Variants in NIBAN2 observed in about 807,000 individuals in gnomAD.
The protein encoded by NIBAN2 is niban apoptosis regulator 2, also known as protein Niban 2.
Under a neutral mutation model 81.8 loss-of-function variants are expected in NIBAN2, and 36 were observed. That is an observed-to-expected ratio of 0.44 (90% CI 0.34 to 0.58). The LOEUF is 0.58. Among genes scored for constraint, NIBAN2 ranks in the 20% least tolerant of loss-of-function variants. NIBAN2 has a pLI of 0.02. For synonymous variants in NIBAN2, 445 were observed against 441.6 expected, an observed-to-expected ratio of 1.01 and a Z score of -0.10; for missense variants, 897 against 1,014.1, an observed-to-expected ratio of 0.88 and a Z score of 1.57.
rs1341971403 is a variant in NIBAN2, at chr9:127,516,890, T to C, written c.940A>G (p.Thr314Ala). 6.2e-7 allele frequency: 1 copy of C among 1,613,886 alleles called. No homozygotes were observed. Among genetic ancestry groups the C allele is most frequent in the East Asian group, 2.2e-5 (1 of 44,874 alleles). ...VIRTDMDQII[T>A]SKEHLASKIR... Reference sequence around the variant, plus strand: ...TTGCTGGCAAGGTGCTCCTTGGAGGTGATAATTTGGTCCATGTCAGTTCGG... The same window carrying C: ...TTGCTGGCAAGGTGCTCCTTGGAGGCGATAATTTGGTCCATGTCAGTTCGG... The change falls in exon 8 of 14, where the codon ACC (threonine) becomes GCC (alanine). Residue 314 changes from threonine (T) to alanine (A), a missense_variant. Transcript: ENST00000373312.
At chr9:127,528,128 C>T (rs945668785) in intron 2 of NIBAN2, among the ~76,000 whole-genome samples, 1 of 152,188 alleles carries the variant, frequency 6.6e-6, no homozygotes, top group African/African-American at 2.4e-5. Context: ...CACAGGACCG[C>T]CATGACCACT....
chr9:127,577,047 G>A (rs1210475447), intron 1 of NIBAN2, among the ~76,000 whole-genome samples: 1 of 151,678 alleles, frequency 6.6e-6, no homozygotes, highest in East Asian at 2.0e-4. Context: ...GAGGCCAGGT[G>A]CAGTGGCTCA....
chr9:127,510,379 C>A (rs779038674), intron 8 of NIBAN2, 46 bp from the exon 9 acceptor site: 1 of 1,483,566 alleles, frequency 6.7e-7, no homozygotes, highest in Non-Finnish European at 9.1e-7. Flanking sequence ...CCAAGGAGCA[C>A]CTCCCAGCCA....
chr9:127,528,839 A>T (rs1166815144), intron 2 of NIBAN2, among the ~76,000 whole-genome samples: 1 of 152,176 alleles, frequency 6.6e-6, no homozygotes, highest in Non-Finnish European at 1.5e-5. Context: ...AAAGGCCCCT[A>T]GTTTTCATCT....
In NIBAN2 at chr9:127,563,617, G is replaced by A. The variant is rs1197243945; in HGVS notation, c.55+5203C>T. On this transcript the variant is annotated intron_variant, in intron 1 of 13. Coordinates refer to ENST00000373312, the MANE Select transcript of NIBAN2 (RefSeq NM_022833.4). The surrounding 1 kb of genome is among the most constrained non-coding windows in gnomAD (Gnocchi z 4.1). Reference sequence around the variant, plus strand: ...GTCTCACTGCAACCTCCACCTCCCGGGTTCAAGCGATTCTTGTGCCGCAGC... The same window carrying A: ...GTCTCACTGCAACCTCCACCTCCCGAGTTCAAGCGATTCTTGTGCCGCAGC... Among the ~76,000 whole-genome samples the A allele has an allele frequency of 6.6e-6, 1 of 151,978 alleles. No homozygotes were observed. Among genetic ancestry groups the A allele is most frequent in the Non-Finnish European group, 1.5e-5 (1 of 68,010 alleles).
In NIBAN2 at chr9:127,517,148, C is replaced by T; in HGVS notation, c.774G>A (p.Lys258=). 6.2e-7 allele frequency: 1 copy of T among 1,614,074 alleles called. No individual in the cohort carries two copies. The highest frequency in any genetic ancestry group is 1.3e-5 in the African/African-American group (1 of 75,060). The change falls in exon 7 of 14, where the codon AAG becomes AAA. Residue 258 remains lysine (K), a synonymous_variant. Coordinates refer to ENST00000373312, the MANE Select transcript of NIBAN2 (RefSeq NM_022833.4). This position sits in a 1 kb window ranked among gnomAD's most constrained non-coding sequence, Gnocchi z 4.0. The part of the protein sequence containing the change: ...ELKAELGPRL[K]GKPQERQRQW... ...GCCGCTGCCGCTCCTGCGGTTTCCCCTTCAGCCGCGGGCCGAGCTCTGCCT... is the reference window on the plus strand; with the variant it reads ...GCCGCTGCCGCTCCTGCGGTTTCCCTTTCAGCCGCGGGCCGAGCTCTGCCT...
chr9:127,523,338 C>T (rs1836997194), intron 5 of NIBAN2, among the ~76,000 whole-genome samples: 1 of 148,818 alleles, frequency 6.7e-6, no homozygotes, highest in African/African-American at 2.5e-5. Flanking sequence ...ATTATCCCCA[C>T]TTTACAGAGC....
chr9:127,518,738 A>G (rs1836879973), intron 5 of NIBAN2, among the ~76,000 whole-genome samples: 1 of 152,244 alleles, frequency 6.6e-6, no homozygotes, highest in Non-Finnish European at 1.5e-5. Flanking sequence ...GTGTAGGGAC[A>G]GGAGATCAGG....
chr9:127,526,728 G>T (rs942450725), intron 3 of NIBAN2, among the ~76,000 whole-genome samples: 22 of 152,166 alleles, frequency 1.4e-4, no homozygotes, highest in African/African-American at 5.3e-4. Flanking sequence ...GCTCCCATAG[G>T]ATGTCCTTCT....
At chr9:127,525,253 C>T in intron 3 of NIBAN2, 90 bp from the exon 4 acceptor site, 1 of 884,728 alleles carries the variant, frequency 1.1e-6, no homozygotes, top group Middle Eastern at 2.2e-4. Context: ...CAGTGTGGCC[C>T]AAAGTGGGGA....
upstream of NIBAN2, among the ~76,000 whole-genome samples, chr9:127,571,983 A>G (rs542167516): frequency 1.3e-3 from 201 of 152,292 alleles, no homozygotes; most frequent in African/African-American, 4.7e-3. Context: ...AACTGTACAG[A>G]TGCATCAAAC....
chr9:127,547,884 C>G (rs1837503135), intron 1 of NIBAN2, among the ~76,000 whole-genome samples: 1 of 152,144 alleles, frequency 6.6e-6, no homozygotes, highest in South Asian at 2.1e-4. Context: ...TTACGATCCC[C>G]CATCTTGCAA....
chr9:127,519,201 G>C (rs77717446), intron 5 of NIBAN2, among the ~76,000 whole-genome samples: 3 of 111,248 alleles, frequency 2.7e-5, no homozygotes, highest in Non-Finnish European at 3.9e-5. Flanking sequence ...AAAAAAAAAA[G>C]AATGGAAGAG....
At chr9:127,525,484 GA>G (rs1362935792) in intron 3 of NIBAN2, among the ~76,000 whole-genome samples, 1 of 152,126 alleles carries the variant, frequency 6.6e-6, no homozygotes, top group Admixed American at 6.5e-5. Flanking sequence ...GAATATTCAG[GA>G]TGGGGAAAAC....
intron 1 of NIBAN2, among the ~76,000 whole-genome samples, chr9:127,532,977 G>A (rs1837211916): frequency 6.6e-6 from 1 of 152,066 alleles, no homozygotes; most frequent in Admixed American, 6.6e-5. Flanking sequence ...GGCCAACATG[G>A]CAAAACCCCA....
chr9:127,525,707 G>A (rs757123909), intron 3 of NIBAN2, among the ~76,000 whole-genome samples: 2 of 152,096 alleles, frequency 1.3e-5, no homozygotes, highest in African/African-American at 2.4e-5. Flanking sequence ...CTGTGCTAAG[G>A]GCATTGCATG....
chr9:127,550,556 CCTGA>C (rs1837557587), intron 1 of NIBAN2, among the ~76,000 whole-genome samples: 1 of 152,202 alleles, frequency 6.6e-6, no homozygotes, highest in African/African-American at 2.4e-5. Flanking sequence ...ATATTTATCC[CCTGA>C]CTATGTGACA....
chr9:127,578,595 G>C (rs1464270706), intron 1 of NIBAN2, among the ~76,000 whole-genome samples: 1 of 151,906 alleles, frequency 6.6e-6, no homozygotes, highest in Non-Finnish European at 1.5e-5. Flanking sequence ...CTGGGAGGCG[G>C]AGGTTGCAGT....
chr9:127,541,449 G>A (rs1452025517), intron 1 of NIBAN2, among the ~76,000 whole-genome samples: 1 of 152,224 alleles, frequency 6.6e-6, no homozygotes, highest in East Asian at 1.9e-4. Flanking sequence ...GGGACACACA[G>A]CTTGTAAATG....
Sources: gnomAD v4.1 joint callset for allele counts (sites outside exome capture counted in the v4.1 genomes callset) on GRCh38, gnomAD v4.1.1 for gene constraint, Gnocchi (gnomAD v3.1) non-coding constraint, MANE v1.5 for transcripts, NCBI Gene and HGNC (gene_info 2026-07-23, HGNC 2026-07-21) for gene names.